The following ZBTB38 variants were observed in gnomAD, a reference collection of about 807,000 sequenced individuals.
ZBTB38 encodes the protein zinc finger and BTB domain-containing protein 38.
ZBTB38 carries 20 observed loss-of-function variants against 76.8 expected under a neutral mutation model. The ratio of observed to expected loss-of-function variants is 0.26; its 90% CI spans 0.18 to 0.38. The LOEUF is 0.38. Among genes scored for constraint, ZBTB38 ranks in the 10% least tolerant of loss-of-function variants. ZBTB38 has a pLI of 1.00. For synonymous variants in ZBTB38, 504 were observed against 544.2 expected (o/e 0.93, Z 1.03); for missense variants, 1,082 against 1,482.3 (o/e 0.73, Z 4.43).
chr3:141,398,894 C>G (rs1951012190), intron 4 of ZBTB38, among the ~76,000 whole-genome samples: 2 of 152,082 alleles, frequency 1.3e-5, no homozygotes, highest in African/African-American at 4.8e-5. Context: ...GGCTCAAATC[C>G]AAAGAAAGTC....
Position 141,410,835 on chromosome 3 carries a change from G to A in ZBTB38, c.-1+6804G>A, listed in dbSNP as rs184619148. ...GAAAGAAATTAAAACATTTACGCAG[G>A]GAGAGAGGAAGACCCAGCTTGCGCA... is the stretch of plus-strand genomic sequence containing the variant. On this transcript the variant is annotated intron_variant, in intron 5 of 5. Coordinates refer to ENST00000321464, the MANE Select transcript of ZBTB38 (RefSeq NM_001376113.1). Among the ~76,000 whole-genome samples the A allele has an allele frequency of 9.8e-5, 15 of 152,298 alleles. No individual in the cohort carries two copies. The East Asian group carries it at 2.9e-3, about 29-fold the overall frequency.
chr3:141,416,164 G>A (rs2074006155), intron 5 of ZBTB38, among the ~76,000 whole-genome samples: 2 of 152,164 alleles, frequency 1.3e-5, no homozygotes, highest in African/African-American at 4.8e-5. Context: ...GACCTGTCTG[G>A]ACTGGAAACT....
chr3:141,376,308 C>T (rs938472076), intron 2 of ZBTB38, among the ~76,000 whole-genome samples: 2 of 152,218 alleles, frequency 1.3e-5, no homozygotes, highest in Non-Finnish European at 2.9e-5. Context: ...CACCTGGTGA[C>T]ACACAAGAGC....
At chr3:141,336,935 C>G (rs1943030649) in intron 1 of ZBTB38, among the ~76,000 whole-genome samples, 1 of 152,202 alleles carries the variant, frequency 6.6e-6, no homozygotes, top group African/African-American at 2.4e-5. Context: ...CTTCATTTTA[C>G]TTCAAATGGG....
intron 5 of ZBTB38, among the ~76,000 whole-genome samples, chr3:141,419,349 A>C (rs1324606058): frequency 6.6e-6 from 1 of 152,130 alleles, no homozygotes; most frequent in Non-Finnish European, 1.5e-5. Flanking sequence ...AAACCATATC[A>C]CATATGTAGT....
Position 141,414,448 on chromosome 3 carries a change from T to C in ZBTB38, c.-1+10417T>C, listed in dbSNP as rs146521331. ...AGTAAAGACCATTGAACCTTCTCCA[T>C]GTCACCACAAATAAGTCAGCCACTT... On this transcript the variant is annotated intron_variant, in intron 5 of 5. Coordinates refer to ENST00000321464, the MANE Select transcript of ZBTB38 (RefSeq NM_001376113.1). Among the ~76,000 whole-genome samples the C allele has an allele frequency of 5.7e-3, 864 of 152,332 alleles. 12 individuals are homozygous for C. Among genetic ancestry groups the C allele is most frequent in the African/African-American group, 0.019 (803 of 41,576 alleles).
chr3:141,445,082 G>T lies in ZBTB38; in HGVS notation c.2694G>T (p.Glu898Asp). ...GGCTTTGCCAATCCGAGTGCATGGA[G>T]ATGAGTGAAGTGTTCGATGACGCAA... Reference protein sequence around the residue: ...PLGLCQSECMEMSEVFDDASD... With the variant: ...PLGLCQSECMDMSEVFDDASD... Residue 898 changes from glutamate (E) to aspartate (D), a missense_variant, in exon 6 of 6, where the codon GAG becomes GAT. Glu to Asp is a conservative substitution (Grantham distance 45). Transcript: ENST00000321464. This position sits in a 1 kb window ranked among gnomAD's most constrained non-coding sequence, Gnocchi z 6.5. 6.2e-7 allele frequency: 1 copy of T among 1,614,194 alleles called. No individual in the cohort carries two copies. The highest frequency in any genetic ancestry group is 8.5e-7 in the Non-Finnish European group (1 of 1,180,030).
Position 141,411,226 on chromosome 3 carries a change from G to A in ZBTB38, c.-1+7195G>A, listed in dbSNP as rs1037675872. ...GATCAGTCTCCCCATACTTTTGTGC[G>A]TTTTCATGTAAGCATGGAGATTTCC... On this transcript the variant is annotated intron_variant, in intron 5 of 5. Coordinates refer to ENST00000321464, the MANE Select transcript of ZBTB38 (RefSeq NM_001376113.1). 3.9e-5 allele frequency among the ~76,000 whole-genome samples: 6 copies of A among 152,192 alleles called. No individual in the cohort carries two copies. The South Asian group carries it at 8.3e-4, about 21-fold the overall frequency.
At chr3:141,356,004 AG>A (rs1943650901) in intron 1 of ZBTB38, among the ~76,000 whole-genome samples, 2 of 144,818 alleles carry the variant, frequency 1.4e-5, no homozygotes, top group African/African-American at 5.5e-5. Context: ...AGCAGTAAAA[AG>A]GACACCAATT....
intron 1 of ZBTB38, among the ~76,000 whole-genome samples, chr3:141,344,276 G>A (rs1379357493): frequency 6.6e-6 from 1 of 152,116 alleles, no homozygotes; most frequent in Non-Finnish European, 1.5e-5. Flanking sequence ...CCTTCTGGAG[G>A]CTTAGGGGAG....
chr3:141,362,268 G>A lies in ZBTB38; in HGVS notation c.-738-6353G>A, dbSNP rs527603886. Among the ~76,000 whole-genome samples the A allele has an allele frequency of 6.2e-4, 95 of 152,192 alleles. 1 individual carries two copies. The highest frequency in any genetic ancestry group is 1.9e-3 in the African/African-American group (78 of 41,498). ...TTTCCAAGGGCTGATTCTCTGAGGC[G>A]TGATTCAGGAGGAAGAAAAGAGAAC... On this transcript the variant is annotated intron_variant, in intron 1 of 7. Coordinates refer to the ZBTB38 transcript ENST00000509842.
intron 5 of ZBTB38, among the ~76,000 whole-genome samples, chr3:141,406,944 A>T (rs982745580): frequency 2.0e-5 from 3 of 152,202 alleles, no homozygotes; most frequent in African/African-American, 7.2e-5. Flanking sequence ...GGTTTAATTT[A>T]CACAAATTAA....
chr3:141,375,699 A>C (rs2149088884), intron 2 of ZBTB38, among the ~76,000 whole-genome samples: 1 of 152,338 alleles, frequency 6.6e-6, no homozygotes, highest in African/African-American at 2.4e-5. Context: ...TGCCAGACTA[A>C]AATATGTGGG....
intron 5 of ZBTB38, among the ~76,000 whole-genome samples, chr3:141,410,128 C>G (rs906760203): frequency 4.6e-5 from 7 of 152,168 alleles, no homozygotes; most frequent in Non-Finnish European, 1.0e-4. Context: ...GGTGCTGGGA[C>G]AAGCAGGGGC....
intron 5 of ZBTB38, among the ~76,000 whole-genome samples, chr3:141,416,091 C>T (rs1417133240): frequency 6.6e-6 from 1 of 152,090 alleles, no homozygotes. Context: ...TGGCTGAGGG[C>T]ATTGCCTGCT....
intron 1 of ZBTB38, among the ~76,000 whole-genome samples, chr3:141,352,660 A>G (rs1021580640): frequency 6.6e-6 from 1 of 152,092 alleles, no homozygotes; most frequent in Admixed American, 6.5e-5. Flanking sequence ...TACATGACAA[A>G]TGGGGTAAGC....
intron 1 of ZBTB38, among the ~76,000 whole-genome samples, chr3:141,369,183 T>A (rs139941867): frequency 6.8e-4 from 104 of 152,200 alleles, no homozygotes; most frequent in Middle Eastern, 6.8e-3. Flanking sequence ...TACTGAGCGA[T>A]CAGACATAAA....
intron 4 of ZBTB38, among the ~76,000 whole-genome samples, chr3:141,400,174 A>C (rs1951493005): frequency 6.6e-6 from 1 of 152,140 alleles, no homozygotes; most frequent in Non-Finnish European, 1.5e-5. Context: ...TGATTAAGAG[A>C]GAGAATCTGT....
At chr3:141,436,975 A>G (rs1420303433) in intron 5 of ZBTB38, among the ~76,000 whole-genome samples, 1 of 152,096 alleles carries the variant, frequency 6.6e-6, no homozygotes, top group Admixed American at 6.6e-5. Context: ...TGCACTTTGG[A>G]CCTGTGAAAT....
Sources: allele counts gnomAD v4.1 joint callset (sites outside exome capture counted in the v4.1 genomes callset), GRCh38; gene constraint gnomAD v4.1.1; non-coding constraint Gnocchi (gnomAD v3.1); transcripts MANE v1.5; gene names NCBI Gene and HGNC (gene_info 2026-07-23, HGNC 2026-07-21).